FBP1: variants seen among roughly 807,000 people sequenced by gnomAD.
FBP1 encodes the protein fructose-1,6-bisphosphatase 1.
FBP1 carries 22 observed loss-of-function variants against 29.9 expected under a neutral mutation model. That is an observed-to-expected ratio of 0.74 (90% CI 0.53 to 1.05). The LOEUF (loss-of-function observed/expected upper bound fraction) is 1.05, where lower values mean the gene tolerates loss of function less well. FBP1 is among the 50% of genes least tolerant of loss of function. FBP1 has a pLI of 0.00. For synonymous variants in FBP1, 175 were observed against 178.6 expected (o/e 0.98, Z 0.16); for missense variants, 345 against 448.2 (o/e 0.77, Z 2.08).
At chr9:94,634,699 C>T (rs1828164830) in intron 1 of FBP1, among the ~76,000 whole-genome samples, 1 of 152,188 alleles carries the variant, frequency 6.6e-6, no homozygotes, top group African/African-American at 2.4e-5. Context: ...AGGGAAGTCT[C>T]CCAGGGCACA....
intron 3 of FBP1, 56 bp downstream of exon 3, chr9:94,617,712 G>T: frequency 8.8e-7 from 1 of 1,131,492 alleles, no homozygotes; most frequent in Non-Finnish European, 1.3e-6. Context: ...AATAGGACTG[G>T]ATGCTCAATC....
In FBP1 at chr9:94,621,398, A is replaced by AAAATATATATAT. The variant is rs58726402; in HGVS notation, c.171-908_171-907insATATATATATTT. On this transcript the variant is annotated intron_variant, in intron 1 of 6. Coordinates refer to ENST00000375326, the MANE Select transcript of FBP1 (RefSeq NM_000507.4). Reference sequence around the variant, plus strand: ...GCGACAGAGCAAGATTCCGTCTAAAAATATATATATTTTTAGAAGAAAGGA... The same window carrying AAAATATATATAT: ...GCGACAGAGCAAGATTCCGTCTAAAAAAATATATATATATATATATATTTTTAGAAGAAAGGA... Among the ~76,000 whole-genome samples, 143 of 146,238 alleles carry AAAATATATATAT rather than the reference A, an allele frequency of 9.8e-4. 5 individuals carry two copies. Among genetic ancestry groups the AAAATATATATAT allele is most frequent in the African/African-American group, 3.7e-3 (140 of 37,990 alleles).
At position 94,603,457 on chromosome 9, in the gene FBP1, C is replaced by T; in HGVS notation, c.941G>A (p.Arg314Lys). Reference protein sequence around the residue: ...LDVIPTDIHQRAPVILGSPDD... With the variant: ...LDVIPTDIHQKAPVILGSPDD... ...GGGGGATCCCAAGATCACCGGCGCC[C>T]TCTGGTGAATGTCTGTGGGAATGAC... The change falls in exon 7 of 7, where the codon AGG becomes AAG. Residue 314 changes from arginine (R) to lysine (K), a missense_variant. Transcript: ENST00000375326. The T allele has an allele frequency of 2.5e-6, 4 of 1,614,098 alleles. No individual in the cohort carries two copies. The highest frequency in any genetic ancestry group is 2.5e-6 in the Non-Finnish European group (3 of 1,180,008).
At position 94,614,640 on chromosome 9, in the gene FBP1, G is replaced by A. The variant is rs558794563; in HGVS notation, c.426+3128C>T. Reference sequence around the variant, plus strand: ...CCTTCCACGTGCCTTTCCAGGAATCGTGTAGCAAGGCCTGGTCACCATGGC... The same window carrying A: ...CCTTCCACGTGCCTTTCCAGGAATCATGTAGCAAGGCCTGGTCACCATGGC... On this transcript the variant is annotated intron_variant, in intron 3 of 6. Transcript: ENST00000375326. Among the ~76,000 whole-genome samples, 5 of 152,290 alleles carry A rather than the reference G, an allele frequency of 3.3e-5. No homozygotes were observed. In the East Asian group the frequency reaches 7.8e-4, roughly 24 times the overall value.
intron 5 of FBP1, 146 bp from the exon 6 acceptor site, chr9:94,605,722 G>T: frequency 1.3e-6 from 1 of 780,352 alleles, no homozygotes; most frequent in Non-Finnish European, 2.1e-6. Flanking sequence ...AATGTGATGA[G>T]AATCCTGTTC....
At chr9:94,627,111 C>T (rs1462704476) in intron 1 of FBP1, among the ~76,000 whole-genome samples, 1 of 151,936 alleles carries the variant, frequency 6.6e-6, no homozygotes, top group Admixed American at 6.6e-5. Context: ...TCGCTTGAAC[C>T]CGGGAGGCAG....
At chr9:94,613,339 A>G (rs1827812841) in intron 3 of FBP1, among the ~76,000 whole-genome samples, 1 of 152,202 alleles carries the variant, frequency 6.6e-6, no homozygotes, top group Non-Finnish European at 1.5e-5. Flanking sequence ...AAACATGTCA[A>G]AGAATCTTAT....
chr9:94,632,397 C>A (rs1199254783), intron 1 of FBP1, among the ~76,000 whole-genome samples: 1 of 152,154 alleles, frequency 6.6e-6, no homozygotes. Flanking sequence ...AGACCAGGCA[C>A]GGTGGCTCAC....
chr9:94,628,363 G>A (rs1476075688), intron 1 of FBP1, among the ~76,000 whole-genome samples: 2 of 138,568 alleles, frequency 1.4e-5, no homozygotes, highest in African/African-American at 5.4e-5. Flanking sequence ...TCTAGAACGG[G>A]CCACAGAGAC....
chr9:94,603,562 A>G lies in FBP1; in HGVS notation c.836T>C (p.Leu279Pro). The G allele has an allele frequency of 6.2e-7, 1 of 1,614,202 alleles. No individual in the cohort carries two copies. Among genetic ancestry groups the G allele is most frequent in the Non-Finnish European group, 8.5e-7 (1 of 1,180,014 alleles). Residue 279 changes from leucine to proline, a missense_variant, in exon 7 of 7, where the codon CTG (leucine) becomes CCG (proline). Coordinates refer to ENST00000375326, the MANE Select transcript of FBP1 (RefSeq NM_000507.4). ...KKSPNGKLRL[L>P]YECNPMAYVM... ...GTAGGCCATGGGGTTGCATTCGTAC[A>G]GCAGTCTCAGCTGGAAAACAAGACC... is the stretch of plus-strand genomic sequence containing the variant.
At chr9:94,604,925 C>T (rs1827674766) in intron 6 of FBP1, among the ~76,000 whole-genome samples, 1 of 152,200 alleles carries the variant, frequency 6.6e-6, no homozygotes, top group African/African-American at 2.4e-5. Flanking sequence ...CTGGGAACAC[C>T]ATGGGCTTGG....
At chr9:94,629,460 C>T (rs534472062) in intron 1 of FBP1, among the ~76,000 whole-genome samples, 3 of 152,112 alleles carry the variant, frequency 2.0e-5, no homozygotes, top group Non-Finnish European at 2.9e-5. Flanking sequence ...AAAATGGAAG[C>T]CTGTTAACTA....
chr9:94,621,286 TTCAGG>T (rs1827946104), intron 1 of FBP1, among the ~76,000 whole-genome samples: 1 of 142,322 alleles, frequency 7.0e-6, no homozygotes, highest in African/African-American at 2.6e-5. Flanking sequence ...GTCCCAGCTA[TTCAGG>T]ATGCTGAGGC....
intron 3 of FBP1, among the ~76,000 whole-genome samples, chr9:94,613,496 G>A (rs1827814740): frequency 1.3e-5 from 2 of 151,890 alleles, no homozygotes; most frequent in Non-Finnish European, 1.5e-5. Flanking sequence ...CAGGCACCGT[G>A]GCTCATGCCC....
At chr9:94,622,496 G>T (rs1827963834) in intron 1 of FBP1, among the ~76,000 whole-genome samples, 1 of 152,208 alleles carries the variant, frequency 6.6e-6, no homozygotes, top group South Asian at 2.1e-4. Flanking sequence ...CGCTGTGACT[G>T]GCTGGGCAAA....
chr9:94,635,451 A>T (rs1235840520), intron 1 of FBP1, among the ~76,000 whole-genome samples: 1 of 152,222 alleles, frequency 6.6e-6, no homozygotes, highest in Non-Finnish European at 1.5e-5. Context: ...TGAGCTCCCT[A>T]AACTGGCTCC....
chr9:94,636,864 T>A (rs909918424), intron 1 of FBP1, among the ~76,000 whole-genome samples: 1 of 151,804 alleles, frequency 6.6e-6, no homozygotes, highest in Non-Finnish European at 1.5e-5. Flanking sequence ...AATTTTTGTG[T>A]TTTTAGTAGA....
At chr9:94,611,977 C>G (rs538343643) in intron 3 of FBP1, among the ~76,000 whole-genome samples, 18 of 152,188 alleles carry the variant, frequency 1.2e-4, no homozygotes, top group Non-Finnish European at 1.5e-5. Flanking sequence ...CTTCCCTGCC[C>G]CTCCTAGTTT....
rs56722632 is a variant in FBP1 at position 94,619,874 on chromosome 9, C to CAAAAAAAAAAAAAAAAAAAAAAAAAAAA, written c.333+427_333+454dup. Among the ~76,000 whole-genome samples the CAAAAAAAAAAAAAAAAAAAAAAAAAAAA allele has an allele frequency of 9.1e-5, 9 of 99,168 alleles. 1 individual carries two copies. The highest frequency in any genetic ancestry group is 6.1e-3 in the Middle Eastern group (1 of 164). The allele number at this position is 99,168 out of a possible 152,430, so 65.1% of individuals were successfully genotyped here. On this transcript the variant is annotated intron_variant, in intron 2 of 6. Coordinates refer to ENST00000375326, the MANE Select transcript of FBP1 (RefSeq NM_000507.4). ...GGGCAACAAGAGCAAAACACTGTCT[C>CAAAAAAAAAAAAAAAAAAAAAAAAAAAA]AAAAAAAAAAAAAAAAAAAAAAAAA...
Sources: allele counts gnomAD v4.1 joint callset (sites outside exome capture counted in the v4.1 genomes callset), GRCh38; gene constraint gnomAD v4.1.1; transcripts MANE v1.5; gene names NCBI Gene and HGNC (gene_info 2026-07-23, HGNC 2026-07-21).